The following TCF4 variants were observed in gnomAD, a reference collection of about 807,000 sequenced individuals.
The protein encoded by TCF4 is SL3-3 enhancer factor 2.
In TCF4, 3 loss-of-function variants were observed where a neutral mutation model predicts 82.1. The ratio of observed to expected loss-of-function variants is 0.04; its 90% CI spans 0.02 to 0.09. The LOEUF is 0.09. Ranked by LOEUF, TCF4 falls within the 10% of genes least tolerant of loss-of-function variation. The probability of loss-of-function intolerance (pLI) is 1.00; values close to 1 mark genes in which losing one functional copy is unlikely to be tolerated. For missense variants in TCF4, 518 were observed against 852.7 expected, an observed-to-expected ratio of 0.61 and a Z score of 4.89; for synonymous variants, 276 against 309.6, an observed-to-expected ratio of 0.89 and a Z score of 1.14.
intron 6 of TCF4, among the ~76,000 whole-genome samples, chr18:55,366,257 G>T (rs895825843): frequency 2.6e-5 from 4 of 152,128 alleles, no homozygotes; most frequent in African/African-American, 9.7e-5. Flanking sequence ...ATTCCAGAAG[G>T]TTTGAAAGCT....
rs1350289824 is a variant in TCF4, at chr18:55,633,679, T to G, written c.195+2024A>C. ...TTTCTGTAAAGGGCCAGATAGCAAA[T>G]TTTTTAAGCATTGCAGGCCATATGG... is the stretch of plus-strand genomic sequence containing the variant. On this transcript the variant is annotated intron_variant, in intron 1 of 20. Transcript: ENST00000398339. The surrounding 1 kb of genome is among the most constrained non-coding windows in gnomAD (Gnocchi z 4.0). Among the ~76,000 whole-genome samples the G allele has an allele frequency of 6.6e-6, 1 of 152,040 alleles. No individual in the cohort carries two copies.
chr18:55,311,497 A>G (rs549890691), intron 8 of TCF4, among the ~76,000 whole-genome samples: 1 of 152,332 alleles, frequency 6.6e-6, no homozygotes, highest in South Asian at 2.1e-4. Flanking sequence ...TTCTAAAGAT[A>G]TATGTTTGTA....
chr18:55,384,452 C>T (rs2092391986), intron 6 of TCF4, among the ~76,000 whole-genome samples: 1 of 152,198 alleles, frequency 6.6e-6, no homozygotes, highest in Admixed American at 6.5e-5. Flanking sequence ...GTCATCAGTA[C>T]TGTGAGAAGG....
At chr18:55,285,988 A>G (rs1268273433) in intron 8 of TCF4, among the ~76,000 whole-genome samples, 1 of 152,132 alleles carries the variant, frequency 6.6e-6, no homozygotes, top group African/African-American at 2.4e-5. Flanking sequence ...TTTTCTAACC[A>G]TCTGCCAAAA....
In TCF4 at chr18:55,377,468, T is replaced by C. The variant is rs374323507; in HGVS notation, c.369+25986A>G. ...CAAATGATTCATTTTATCCTGTTATTATCAGGAAAAATATAGACCCAGACT... is the reference window on the plus strand; with the variant it reads ...CAAATGATTCATTTTATCCTGTTATCATCAGGAAAAATATAGACCCAGACT... On this transcript the variant is annotated intron_variant, in intron 6 of 19. Transcript: ENST00000354452. Among the ~76,000 whole-genome samples the C allele has an allele frequency of 2.2e-4, 34 of 152,350 alleles. 1 individual carries two copies. In the South Asian group the frequency reaches 5.8e-3, roughly 26 times the overall value.
chr18:55,635,736 G>T, exon 1 of TCF4: 1 of 1,550,550 alleles, frequency 6.4e-7, no homozygotes, highest in Non-Finnish European at 8.7e-7. Flanking sequence ...TCGAGTAGCA[G>T]TTCTCAACCC....
At chr18:55,249,594 G>T (rs1194722878) in intron 15 of TCF4, among the ~76,000 whole-genome samples, 1 of 152,220 alleles carries the variant, frequency 6.6e-6, no homozygotes, top group Non-Finnish European at 1.5e-5. Context: ...AGACTGGCAG[G>T]GAGCAATCTG....
intron 6 of TCF4, among the ~76,000 whole-genome samples, chr18:55,367,110 T>A (rs1009340703): frequency 6.6e-6 from 1 of 152,200 alleles, no homozygotes; most frequent in Non-Finnish European, 1.5e-5. Flanking sequence ...TGCTCTGTAA[T>A]ACGTGTTGCA....
At chr18:55,258,742 C>T (rs980905911) in intron 13 of TCF4, among the ~76,000 whole-genome samples, 1 of 152,128 alleles carries the variant, frequency 6.6e-6, no homozygotes, top group Non-Finnish European at 1.5e-5. Context: ...TCCTCTATCC[C>T]TTGTTGTATC....
At chr18:55,361,322 C>G (rs370446870) in intron 6 of TCF4, among the ~76,000 whole-genome samples, 6 of 152,094 alleles carry the variant, frequency 3.9e-5, no homozygotes, top group African/African-American at 1.2e-4. Context: ...CTCTTTCACA[C>G]ATTTCTCCAC....
chr18:55,539,147 C>CA (rs1397463916), intron 3 of TCF4, among the ~76,000 whole-genome samples: 4 of 151,840 alleles, frequency 2.6e-5, no homozygotes, highest in Non-Finnish European at 5.9e-5. Flanking sequence ...ACAGCCAGAA[C>CA]AAAAAACACA....
chr18:55,439,450 G>T (rs2095395950), intron 5 of TCF4, among the ~76,000 whole-genome samples: 1 of 152,154 alleles, frequency 6.6e-6, no homozygotes, highest in South Asian at 2.1e-4. Flanking sequence ...AAGAGGTGGG[G>T]TTGCTTATAT....
intron 2 of TCF4, among the ~76,000 whole-genome samples, chr18:55,622,050 A>AATATATATACACTGTATATATAAT (rs1441713788): frequency 1.5e-5 from 2 of 136,274 alleles, no homozygotes; most frequent in Non-Finnish European, 1.5e-5. Flanking sequence ...CACTATATAT[A>AATATATATACACTGTATATATAAT]ATATATATAC....
intron 5 of TCF4, among the ~76,000 whole-genome samples, chr18:55,458,144 C>T (rs981366894): frequency 4.6e-5 from 7 of 152,024 alleles, no homozygotes; most frequent in African/African-American, 9.7e-5. Flanking sequence ...CTGTAGCAGA[C>T]GCCTAATTCA....
chr18:55,504,700 C>T (rs150114724), intron 3 of TCF4, among the ~76,000 whole-genome samples: 4 of 152,302 alleles, frequency 2.6e-5, no homozygotes, highest in East Asian at 1.9e-4. Context: ...CATGCATATT[C>T]GCTGCCCCTC....
At chr18:55,538,288 G>A (rs1401841627) in intron 3 of TCF4, among the ~76,000 whole-genome samples, 1 of 152,084 alleles carries the variant, frequency 6.6e-6, no homozygotes, top group Non-Finnish European at 1.5e-5. Context: ...TAATCCACCA[G>A]TACCCCCTAA....
chr18:55,619,375 G>A (rs1163199258), intron 2 of TCF4, among the ~76,000 whole-genome samples: 5 of 152,022 alleles, frequency 3.3e-5, no homozygotes, highest in Admixed American at 6.6e-5. Flanking sequence ...TATGGAATAC[G>A]TAGTGCTGTC....
chr18:55,541,001 T>C (rs899415330), intron 3 of TCF4, among the ~76,000 whole-genome samples: 1 of 152,020 alleles, frequency 6.6e-6, no homozygotes, highest in Non-Finnish European at 1.5e-5. Context: ...TTTGTGCCCA[T>C]GTAAAAAAAT....
At chr18:55,502,082 C>G (rs1255699283) in intron 3 of TCF4, among the ~76,000 whole-genome samples, 5 of 152,158 alleles carry the variant, frequency 3.3e-5, no homozygotes, top group Non-Finnish European at 5.9e-5. Flanking sequence ...AAAACACTAA[C>G]CAAGGTAGAT....
Sources: allele counts gnomAD v4.1 joint callset (sites outside exome capture counted in the v4.1 genomes callset), GRCh38; gene constraint gnomAD v4.1.1; non-coding constraint Gnocchi (gnomAD v3.1); transcripts MANE v1.5; gene names NCBI Gene and HGNC (gene_info 2026-07-23, HGNC 2026-07-21).